Variants in LINGO2 observed in about 807,000 individuals in gnomAD.
LINGO2 encodes the protein leucine-rich repeat and immunoglobulin-like domain-containing nogo receptor-interacting protein 2.
Under a neutral mutation model 30.6 loss-of-function variants are expected in LINGO2, and 14 were observed. The observed-to-expected ratio is 0.46, with a 90% CI of 0.30 to 0.72. LINGO2 has a LOEUF of 0.72. LINGO2 is among the 30% of genes least tolerant of loss of function. The pLI, the probability that LINGO2 is intolerant of heterozygous loss-of-function variation, is 0.07. For missense variants in LINGO2, 729 were observed against 751.7 expected, an observed-to-expected ratio of 0.97 and a Z score of 0.35; for synonymous variants, 317 against 288.5, an observed-to-expected ratio of 1.10 and a Z score of -1.00.
At chr9:28,617,821 A>G (rs1826206988) in intron 1 of LINGO2, among the ~76,000 whole-genome samples, 1 of 152,136 alleles carries the variant, frequency 6.6e-6, no homozygotes, top group African/African-American at 2.4e-5. Flanking sequence ...ATATTAACTA[A>G]GGCTGGGCAA....
the LINGO2 span, among the ~76,000 whole-genome samples, chr9:28,986,500 T>G: frequency 6.6e-6 from 1 of 152,062 alleles, no homozygotes; most frequent in South Asian, 2.1e-4. Context: ...ACTTCCAATA[T>G]ATAAACACAA....
the LINGO2 span, among the ~76,000 whole-genome samples, chr9:28,979,473 G>A: frequency 6.7e-6 from 1 of 149,816 alleles, no homozygotes; most frequent in Non-Finnish European, 1.5e-5. Flanking sequence ...ACATATATAG[G>A]AATATATGTT....
At chr9:28,207,147 T>C (rs1047146474) in intron 4 of LINGO2, among the ~76,000 whole-genome samples, 2 of 152,148 alleles carry the variant, frequency 1.3e-5, no homozygotes, top group Non-Finnish European at 2.9e-5. Context: ...ACAATGATAA[T>C]TTTTCACTTT....
At chr9:28,252,361 G>C (rs1822232205) in intron 4 of LINGO2, among the ~76,000 whole-genome samples, 1 of 152,048 alleles carries the variant, frequency 6.6e-6, no homozygotes, top group African/African-American at 2.4e-5. Flanking sequence ...GAGTAGCTGG[G>C]ACTACAGGCA....
the LINGO2 span, among the ~76,000 whole-genome samples, chr9:28,816,410 A>AT: frequency 6.6e-6 from 1 of 152,180 alleles, no homozygotes; most frequent in Non-Finnish European, 1.5e-5. Context: ...AGTAATTGCT[A>AT]TTTTTTATCA....
At chr9:28,306,755 T>C (rs1025159760) in intron 3 of LINGO2, among the ~76,000 whole-genome samples, 21 of 152,084 alleles carry the variant, frequency 1.4e-4, no homozygotes, top group Middle Eastern at 3.4e-3. Flanking sequence ...ATATCACCAC[T>C]GATCCCACAG....
chr9:28,862,406 A>G, the LINGO2 span, among the ~76,000 whole-genome samples: 1 of 152,150 alleles, frequency 6.6e-6, no homozygotes, highest in African/African-American at 2.4e-5. Context: ...TTATACACAT[A>G]TATTTTAAGG....
chr9:28,867,118 G>A, the LINGO2 span, among the ~76,000 whole-genome samples: 5 of 152,162 alleles, frequency 3.3e-5, no homozygotes, highest in Non-Finnish European at 7.4e-5. Flanking sequence ...GGAATCTGCA[G>A]TTAAGGGCTA....
intron 4 of LINGO2, among the ~76,000 whole-genome samples, chr9:28,082,085 C>G (rs1191534212): frequency 6.6e-6 from 1 of 152,140 alleles, no homozygotes; most frequent in South Asian, 2.1e-4. Context: ...TGCTATCACA[C>G]TCTCAACTTT....
At chr9:28,615,928 C>G (rs530013348) in intron 1 of LINGO2, among the ~76,000 whole-genome samples, 1 of 152,072 alleles carries the variant, frequency 6.6e-6, no homozygotes, top group Non-Finnish European at 1.5e-5. Flanking sequence ...TACTGTATGA[C>G]TCCATGTAAA....
At chr9:28,829,656 G>C in the LINGO2 span, among the ~76,000 whole-genome samples, 1 of 152,172 alleles carries the variant, frequency 6.6e-6, no homozygotes, top group Non-Finnish European at 1.5e-5. Context: ...GGGAGGCCGA[G>C]GTGGGCAGAT....
intron 4 of LINGO2, among the ~76,000 whole-genome samples, chr9:28,286,632 A>T (rs572940501): frequency 6.6e-4 from 100 of 152,334 alleles, no homozygotes; most frequent in Non-Finnish European, 1.0e-3. Context: ...TGGAGCCATA[A>T]AAAAGGATGA....
the LINGO2 span, among the ~76,000 whole-genome samples, chr9:28,906,462 A>G: frequency 1.3e-5 from 2 of 151,804 alleles, no homozygotes; most frequent in African/African-American, 4.8e-5. Flanking sequence ...GAAAATAGAA[A>G]TATTTTATTA....
At chr9:28,982,336 A>G in the LINGO2 span, among the ~76,000 whole-genome samples, 1 of 152,234 alleles carries the variant, frequency 6.6e-6, no homozygotes, top group South Asian at 2.1e-4. Context: ...TTTTGGCGGT[A>G]GAAAATGGAG....
chr9:28,722,320 A>G, the LINGO2 span, among the ~76,000 whole-genome samples: 2 of 152,114 alleles, frequency 1.3e-5, no homozygotes, highest in South Asian at 4.1e-4. Flanking sequence ...TTTGGGCTAT[A>G]CATTTTGAAA....
At chr9:28,740,811 T>C in the LINGO2 span, among the ~76,000 whole-genome samples, 43 of 152,180 alleles carry the variant, frequency 2.8e-4, 1 homozygote, top group South Asian at 8.7e-3. Context: ...AATCTACCCA[T>C]TTAGTGATGT....
the LINGO2 span, among the ~76,000 whole-genome samples, chr9:28,905,477 G>C: frequency 6.6e-6 from 1 of 151,560 alleles, no homozygotes; most frequent in Non-Finnish European, 1.5e-5. Context: ...ACTAAAAATA[G>C]GCAAAATACC....
intron 2 of LINGO2, among the ~76,000 whole-genome samples, chr9:28,386,701 T>G (rs1017641870): frequency 6.6e-6 from 1 of 152,180 alleles, no homozygotes; most frequent in Non-Finnish European, 1.5e-5. Flanking sequence ...ATGGCACTTC[T>G]AATTTTAAAA....
At chr9:27,999,348 T>C (rs118177553) in intron 5 of LINGO2, among the ~76,000 whole-genome samples, 1,765 of 151,886 alleles carry the variant, frequency 0.012, 13 homozygotes, top group Non-Finnish European at 0.02. Context: ...ATATGATGTT[T>C]TGTGTGCAGG....
Sources: gnomAD v4.1 joint callset for allele counts (sites outside exome capture counted in the v4.1 genomes callset) on GRCh38, gnomAD v4.1.1 for gene constraint, MANE v1.5 for transcripts, NCBI Gene and HGNC (gene_info 2026-07-23, HGNC 2026-07-21) for gene names.